RANBP17: variants seen among roughly 807,000 people sequenced by gnomAD.
RANBP17 encodes RAN binding protein 17, also known as ran-binding protein 17.
RANBP17 carries 158 observed loss-of-function variants against 141.2 expected under a neutral mutation model. That is an observed-to-expected ratio of 1.12 (90% CI 0.98 to 1.28). RANBP17 has a LOEUF of 1.28. Among genes scored for constraint, RANBP17 ranks in the 50% most tolerant of loss-of-function variants. The probability of loss-of-function intolerance (pLI) is 0.00; values close to 1 mark genes in which losing one functional copy is unlikely to be tolerated. For missense variants in RANBP17, 1,438 were observed against 1,290.7 expected, an observed-to-expected ratio of 1.11 and a Z score of -1.75; for synonymous variants, 430 against 450.0, an observed-to-expected ratio of 0.96 and a Z score of 0.56.
At chr5:170,888,880 A>G (rs1269703583) in intron 3 of RANBP17, among the ~76,000 whole-genome samples, 1 of 152,022 alleles carries the variant, frequency 6.6e-6, no homozygotes. Context: ...CTCTATTCCT[A>G]GTTTGCTGAG....
At chr5:170,997,489 C>T (rs1036697131) in intron 14 of RANBP17, among the ~76,000 whole-genome samples, 2 of 152,104 alleles carry the variant, frequency 1.3e-5, no homozygotes, top group Non-Finnish European at 2.9e-5. Context: ...AAAGTTCTTC[C>T]TCCCAGTCCA....
At chr5:171,099,423 G>A (rs1786960354) in intron 14 of RANBP17, among the ~76,000 whole-genome samples, 1 of 152,038 alleles carries the variant, frequency 6.6e-6, no homozygotes, top group Non-Finnish European at 1.5e-5. Flanking sequence ...TGGTGTATAG[G>A]AATGCTCGTG....
intron 14 of RANBP17, among the ~76,000 whole-genome samples, chr5:171,122,221 C>G (rs932481526): frequency 6.6e-6 from 1 of 152,204 alleles, no homozygotes; most frequent in Non-Finnish European, 1.5e-5. Flanking sequence ...CCCTGCTGTA[C>G]TCTAGTGCTC....
In RANBP17 at chr5:171,033,801, A is replaced by G. The variant is rs528844681; in HGVS notation, c.1710+65424A>G. 2.0e-4 allele frequency among the ~76,000 whole-genome samples: 31 copies of G among 152,234 alleles called. 1 individual carries two copies. The East Asian group carries it at 5.8e-3, about 28-fold the overall frequency. ...GAACAGTGTAAAGCCCAGGGTACTG[A>G]CTTTGGAGATAAGATTGCATGGATT... On this transcript the variant is annotated intron_variant, in intron 14 of 27. Transcript: ENST00000523189.
chr5:170,926,567 G>A (rs1390584554), intron 12 of RANBP17, among the ~76,000 whole-genome samples: 1 of 151,896 alleles, frequency 6.6e-6, no homozygotes, highest in African/African-American at 2.4e-5. Context: ...TTTTTGAATT[G>A]TAAATATCAC....
chr5:171,175,497 C>T (rs899397242), intron 16 of RANBP17, among the ~76,000 whole-genome samples: 49 of 152,084 alleles, frequency 3.2e-4, no homozygotes, highest in African/African-American at 1.2e-3. Context: ...AGTGAACAGG[C>T]AGCCTACAGA....
At chr5:170,868,097 A>G (rs1246601455) in intron 1 of RANBP17, among the ~76,000 whole-genome samples, 1 of 152,232 alleles carries the variant, frequency 6.6e-6, no homozygotes, top group Non-Finnish European at 1.5e-5. Context: ...TACTTGCTAT[A>G]TAAAAATAAC....
chr5:171,038,258 T>C (rs1379684499), intron 14 of RANBP17, among the ~76,000 whole-genome samples: 2 of 152,020 alleles, frequency 1.3e-5, no homozygotes, highest in Non-Finnish European at 2.9e-5. Flanking sequence ...TTCAATATTA[T>C]TGGTATATAG....
chr5:170,864,961 C>A (rs185738611), intron 1 of RANBP17, among the ~76,000 whole-genome samples: 99 of 152,296 alleles, frequency 6.5e-4, no homozygotes, highest in African/African-American at 2.1e-3. Flanking sequence ...TATTGTGGAT[C>A]TTCTGTATGG....
chr5:171,282,760 G>A (rs1162511961), intron 25 of RANBP17, among the ~76,000 whole-genome samples: 9 of 152,068 alleles, frequency 5.9e-5, no homozygotes, highest in South Asian at 2.1e-4. Context: ...GATTACAGGC[G>A]TGAGCCACCG....
chr5:170,904,221 C>A, intron 5 of RANBP17: 1 of 275,418 alleles, frequency 3.6e-6, no homozygotes, highest in Non-Finnish European at 7.4e-6. Context: ...TCATTATTAG[C>A]TTTAGCAAAT....
intron 14 of RANBP17, among the ~76,000 whole-genome samples, chr5:171,067,526 C>T (rs1784382598): frequency 6.6e-6 from 1 of 152,214 alleles, no homozygotes; most frequent in African/African-American, 2.4e-5. Context: ...TCATTTCAAC[C>T]TGAAGATCTT....
chr5:171,062,406 C>G (rs1239455222), intron 14 of RANBP17, among the ~76,000 whole-genome samples: 1 of 152,094 alleles, frequency 6.6e-6, no homozygotes, highest in Non-Finnish European at 1.5e-5. Context: ...TTTTATTTCT[C>G]CTTCACTTAT....
intron 14 of RANBP17, among the ~76,000 whole-genome samples, chr5:171,080,231 TACACACACACAAA>T (rs1166506682): frequency 7.7e-6 from 1 of 129,794 alleles, no homozygotes; most frequent in African/African-American, 2.9e-5. Flanking sequence ...TTATCTTACA[TACACACACACAAA>T]ACACACACAC....
intron 18 of RANBP17, among the ~76,000 whole-genome samples, chr5:171,184,773 G>A (rs188428802): frequency 6.6e-6 from 1 of 152,214 alleles, no homozygotes; most frequent in Non-Finnish European, 1.5e-5. Flanking sequence ...CACCGTTTTT[G>A]TTTTCTAGTG....
At chr5:171,018,719 T>TCCTTTCTTCCTATTTGAATAC (rs1780626349) in intron 14 of RANBP17, among the ~76,000 whole-genome samples, 1 of 152,236 alleles carries the variant, frequency 6.6e-6, no homozygotes, top group Admixed American at 6.5e-5. Context: ...CAATTTGACT[T>TCCTTTCTTCCTATTTGAATAC]CCTTTCTTCC....
intron 24 of RANBP17, among the ~76,000 whole-genome samples, chr5:171,244,370 C>T (rs958888913): frequency 1.3e-5 from 2 of 152,140 alleles, no homozygotes; most frequent in Non-Finnish European, 2.9e-5. Flanking sequence ...GAACGAAACT[C>T]CATCTCAAAA....
intron 14 of RANBP17, chr5:171,028,732 G>T (rs1005514225): frequency 1.4e-5 from 5 of 346,832 alleles, no homozygotes; most frequent in African/African-American, 8.5e-5. Context: ...CTTTTGCAGA[G>T]ACTTTCCTTG....
intron 14 of RANBP17, among the ~76,000 whole-genome samples, chr5:171,050,104 G>A (rs1782857983): frequency 6.6e-6 from 1 of 152,138 alleles, no homozygotes; most frequent in South Asian, 2.1e-4. Flanking sequence ...CGTGAACATG[G>A]AATGTTTTTC....
Sources: gnomAD v4.1 joint callset for allele counts (sites outside exome capture counted in the v4.1 genomes callset) on GRCh38, gnomAD v4.1.1 for gene constraint, MANE v1.5 for transcripts, NCBI Gene and HGNC (gene_info 2026-07-23, HGNC 2026-07-21) for gene names.